Variants in TBC1D12 observed in about 807,000 individuals in gnomAD.
The protein encoded by TBC1D12 is TBC1 domain family, member 12.
Under a neutral mutation model 86.7 loss-of-function variants are expected in TBC1D12, and 56 were observed. The ratio of observed to expected loss-of-function variants is 0.65; its 90% CI spans 0.52 to 0.81. TBC1D12 has a LOEUF of 0.81. Among genes scored for constraint, TBC1D12 ranks in the 30% least tolerant of loss-of-function variants. TBC1D12 has a pLI of 0.00. For synonymous variants in TBC1D12, 421 were observed against 411.7 expected (o/e 1.02, Z -0.27); for missense variants, 1,023 against 1,038.8 (o/e 0.98, Z 0.21).
chr10:94,446,564 T>A (rs200292581), intron 2 of TBC1D12, among the ~76,000 whole-genome samples: 2 of 107,338 alleles, frequency 1.9e-5, no homozygotes, highest in Non-Finnish European at 4.2e-5. Context: ...TGAAAAAAAA[T>A]TTTTTTTTGG....
chr10:94,474,841 T>G, intron 3 of TBC1D12, 58 bp downstream of exon 3: 1 of 1,445,464 alleles, frequency 6.9e-7, no homozygotes, highest in Non-Finnish European at 9.6e-7. Flanking sequence ...AAATTTAATT[T>G]TGTTCACTAT....
At chr10:94,529,622 A>G (rs1425260363) in intron 11 of TBC1D12, among the ~76,000 whole-genome samples, 2 of 152,212 alleles carry the variant, frequency 1.3e-5, no homozygotes, top group Non-Finnish European at 2.9e-5. Context: ...CCATTAAAAA[A>G]AAAATTATTT....
intron 2 of TBC1D12, among the ~76,000 whole-genome samples, chr10:94,450,345 G>C (rs1333080868): frequency 6.6e-6 from 1 of 151,854 alleles, no homozygotes; most frequent in Non-Finnish European, 1.5e-5. Flanking sequence ...TCTCAGAGAT[G>C]ACATGCAAAT....
In TBC1D12 at chr10:94,534,373, G is replaced by A. The variant is rs1842503543; in HGVS notation, c.*1277G>A. 3 of 152,216 alleles carry A rather than the reference G, an allele frequency of 2.0e-5. No individual in the cohort carries two copies. In the South Asian group the frequency reaches 6.2e-4, roughly 32 times the overall value. 9.4% of individuals were successfully genotyped at this position (152,216 alleles called of 1,614,324 possible). On this transcript the variant is annotated 3_prime_UTR_variant, in exon 13 of 13. Transcript: ENST00000225235. ...CCGCTAGTCTAGATAGTGACTCTTT[G>A]GAAAATTGGTAGCCTCTGAATGAGT... is the stretch of plus-strand genomic sequence containing the variant.
At chr10:94,424,460 C>G (rs2055121053) in intron 1 of TBC1D12, among the ~76,000 whole-genome samples, 1 of 152,136 alleles carries the variant, frequency 6.6e-6, no homozygotes, top group South Asian at 2.1e-4. Context: ...TCTAAATTCT[C>G]CCCTCGTTCA....
At chr10:94,518,740 A>G (rs1326032635) in intron 9 of TBC1D12, among the ~76,000 whole-genome samples, 1 of 152,244 alleles carries the variant, frequency 6.6e-6, no homozygotes, top group Non-Finnish European at 1.5e-5. Context: ...AGAGTGATAT[A>G]TAATAAATCT....
At chr10:94,450,353 A>G (rs932983081) in intron 2 of TBC1D12, among the ~76,000 whole-genome samples, 1 of 151,926 alleles carries the variant, frequency 6.6e-6, no homozygotes, top group Non-Finnish European at 1.5e-5. Flanking sequence ...ATGACATGCA[A>G]ATTGTGTTCC....
chr10:94,532,558 T>G (rs1480320245), intron 12 of TBC1D12, among the ~76,000 whole-genome samples: 1 of 152,204 alleles, frequency 6.6e-6, no homozygotes, highest in Non-Finnish European at 1.5e-5. Context: ...AGAGTAGTTA[T>G]TATTTTGGTA....
rs761876208 is a variant in TBC1D12 at position 94,441,900 on chromosome 10, C to T, written c.976C>T (p.Leu326Phe). 5.0e-6 allele frequency: 8 copies of T among 1,610,088 alleles called. No homozygotes were observed. The highest frequency in any genetic ancestry group is 6.8e-6 in the Non-Finnish European group (8 of 1,178,782). ...GGFADFFTRN[L>F]FPKRTKELKS... Reference sequence around the variant, plus strand: ...TGTAACTTTTCTGTGTTTCAGAAACCTTTTTCCAAAAAGGACAAAGGAACT... The same window carrying T: ...TGTAACTTTTCTGTGTTTCAGAAACTTTTTTCCAAAAAGGACAAAGGAACT... Residue 326 changes from leucine (L) to phenylalanine (F), a missense_variant, in exon 2 of 13, where the codon CTT becomes TTT. Leu to Phe is a conservative substitution (Grantham distance 22). Around this residue, in one of 2 missense-constraint regions of TBC1D12, gnomAD observed 628 missense variants for 531.1 expected, o/e 1.18. Coordinates refer to ENST00000225235, the MANE Select transcript of TBC1D12 (RefSeq NM_015188.2).
chr10:94,492,216 T>C (rs1260982654), intron 3 of TBC1D12, among the ~76,000 whole-genome samples: 2 of 152,280 alleles, frequency 1.3e-5, no homozygotes, highest in East Asian at 3.9e-4. Flanking sequence ...ACCTGGTATA[T>C]ATAGGGTTTG....
chr10:94,473,177 AC>A (rs1312217096), intron 2 of TBC1D12, among the ~76,000 whole-genome samples: 1 of 150,758 alleles, frequency 6.6e-6, no homozygotes, highest in African/African-American at 2.4e-5. Context: ...ACATGGAGAA[AC>A]CCTGTCTCTA....
At chr10:94,435,509 T>C (rs1456779469) in intron 1 of TBC1D12, among the ~76,000 whole-genome samples, 1 of 152,158 alleles carries the variant, frequency 6.6e-6, no homozygotes, top group Non-Finnish European at 1.5e-5. Context: ...TTGTTTTCCC[T>C]CTTTCTGCAA....
At chr10:94,468,768 G>A (rs574114317) in intron 2 of TBC1D12, among the ~76,000 whole-genome samples, 2 of 151,952 alleles carry the variant, frequency 1.3e-5, no homozygotes, top group Admixed American at 1.3e-4. Flanking sequence ...GTTCTCCCTC[G>A]TACCAACACT....
chr10:94,524,694 G>A (rs1402632118), intron 11 of TBC1D12, among the ~76,000 whole-genome samples: 3 of 146,480 alleles, frequency 2.0e-5, no homozygotes, highest in Admixed American at 6.9e-5. Flanking sequence ...AGTCGAGATC[G>A]CGCCACAGCA....
chr10:94,459,891 C>T (rs1052954520), intron 2 of TBC1D12, among the ~76,000 whole-genome samples: 9 of 152,174 alleles, frequency 5.9e-5, no homozygotes, highest in African/African-American at 1.9e-4. Flanking sequence ...CTCCACACCT[C>T]CTGGCAAGTA....
chr10:94,504,616 T>C (rs1415182810), intron 6 of TBC1D12, among the ~76,000 whole-genome samples: 1 of 152,170 alleles, frequency 6.6e-6, no homozygotes, highest in African/African-American at 2.4e-5. Flanking sequence ...GGCTCTAAAG[T>C]CAGTCAAATA....
rs1469867406 is a variant in TBC1D12 at position 94,490,813 on chromosome 10, G to A, written c.1212-2552G>A. Among the ~76,000 whole-genome samples the A allele has an allele frequency of 2.0e-5, 3 of 152,012 alleles. No homozygotes were observed. In the East Asian group the frequency reaches 5.8e-4, roughly 29 times the overall value. Reference sequence around the variant, plus strand: ...TCTACCTAGTACTCTTATCTATCAGGAGGCCTTTCCACTCTGGCTGGTCTT... The same window carrying A: ...TCTACCTAGTACTCTTATCTATCAGAAGGCCTTTCCACTCTGGCTGGTCTT... On this transcript the variant is annotated intron_variant, in intron 3 of 12. Coordinates refer to ENST00000225235, the MANE Select transcript of TBC1D12 (RefSeq NM_015188.2).
At chr10:94,531,136 A>T (rs1004619515) in intron 11 of TBC1D12, 66 bp from the exon 12 acceptor site, 10 of 1,521,136 alleles carry the variant, frequency 6.6e-6, no homozygotes, top group Admixed American at 3.9e-5. Flanking sequence ...TTTTATAGAG[A>T]TGCTTACTGA....
chr10:94,410,170 G>A (rs1261991200), intron 1 of TBC1D12, among the ~76,000 whole-genome samples: 6 of 152,118 alleles, frequency 3.9e-5, no homozygotes, highest in Non-Finnish European at 7.4e-5. Flanking sequence ...TCTTTTATTT[G>A]CTAGATATGA....
Sources: allele counts gnomAD v4.1 joint callset (sites outside exome capture counted in the v4.1 genomes callset), GRCh38; gene constraint gnomAD v4.1.1; regional missense constraint gnomAD v4.1.1; transcripts MANE v1.5; gene names NCBI Gene and HGNC (gene_info 2026-07-23, HGNC 2026-07-21).